Variants in TYR observed in about 807,000 individuals in gnomAD.
TYR encodes the protein tyrosinase, also known as LB24-AB.
TYR carries 58 observed loss-of-function variants against 51.5 expected under a neutral mutation model. That is an observed-to-expected ratio of 1.13 (90% CI 0.91 to 1.40). The LOEUF (loss-of-function observed/expected upper bound fraction) is 1.40. Ranked by LOEUF, TYR falls within the 40% of genes most tolerant of loss-of-function variation. TYR has a pLI of 0.00. For synonymous variants in TYR, 263 were observed against 235.2 expected (o/e 1.12, Z -1.08); for missense variants, 732 against 647.4 (o/e 1.13, Z -1.42).
At chr11:89,244,418 C>A (rs10830249) in intron 3 of TYR, among the ~76,000 whole-genome samples, 68,871 of 151,568 alleles carry the variant, frequency 0.45, 16,795 homozygotes, top group African/African-American at 0.65. Context: ...CTGCTTATGG[C>A]GAGAACCATG....
chr11:89,218,363 T>C (rs973256069), intron 2 of TYR, among the ~76,000 whole-genome samples: 1 of 152,162 alleles, frequency 6.6e-6, no homozygotes, highest in African/African-American at 2.4e-5. Flanking sequence ...TATTCTGCCC[T>C]CTTGAAACTT....
chr11:89,222,951 G>C (rs1299538846), intron 2 of TYR, among the ~76,000 whole-genome samples: 1 of 152,128 alleles, frequency 6.6e-6, no homozygotes, highest in Non-Finnish European at 1.5e-5. Context: ...GGACAAGGTT[G>C]AGATAATAAC....
chr11:89,224,012 T>C (rs923990283), intron 2 of TYR, among the ~76,000 whole-genome samples: 3 of 151,880 alleles, frequency 2.0e-5, no homozygotes, highest in African/African-American at 4.8e-5. Flanking sequence ...GAAAACGCTC[T>C]TAAAATGTCG....
chr11:89,199,867 G>A (rs1591149037), intron 2 of TYR, among the ~76,000 whole-genome samples: 1 of 152,218 alleles, frequency 6.6e-6, no homozygotes, highest in Non-Finnish European at 1.5e-5. Flanking sequence ...ATTTAAAAGG[G>A]ATAATGTCAT....
chr11:89,272,951 A>T (rs1383315419), intron 3 of TYR, among the ~76,000 whole-genome samples: 1 of 151,876 alleles, frequency 6.6e-6, no homozygotes, highest in Non-Finnish European at 1.5e-5. Context: ...CTTGCTCTGG[A>T]TTAGGCTTTA....
chr11:89,257,857 T>G (rs1209932295), intron 3 of TYR, among the ~76,000 whole-genome samples: 1 of 152,086 alleles, frequency 6.6e-6, no homozygotes, highest in Non-Finnish European at 1.5e-5. Flanking sequence ...TACTGTAGTC[T>G]TCCATTAAAT....
At chr11:89,185,536 T>C (rs939510189) in intron 1 of TYR, among the ~76,000 whole-genome samples, 1 of 152,166 alleles carries the variant, frequency 6.6e-6, no homozygotes, top group African/African-American at 2.4e-5. Context: ...TAAATGTGTC[T>C]TCATGAAGGA....
intron 2 of TYR, among the ~76,000 whole-genome samples, chr11:89,204,236 A>G: frequency 6.6e-6 from 1 of 152,158 alleles, no homozygotes; most frequent in South Asian, 2.1e-4. Context: ...GAGGAGCAGT[A>G]ATGAGGGGTA....
chr11:89,197,265 C>A (rs1446746174), intron 2 of TYR, among the ~76,000 whole-genome samples: 1 of 152,018 alleles, frequency 6.6e-6, no homozygotes, highest in Non-Finnish European at 1.5e-5. Flanking sequence ...TAGAAAAATC[C>A]GTGTATACCA....
intron 2 of TYR, among the ~76,000 whole-genome samples, chr11:89,201,577 C>A (rs1193593688): frequency 1.3e-5 from 2 of 152,186 alleles, no homozygotes; most frequent in Non-Finnish European, 2.9e-5. Flanking sequence ...ATTTTTACTG[C>A]AAGTCTGTGG....
intron 3 of TYR, among the ~76,000 whole-genome samples, chr11:89,237,836 A>G (rs766767619): frequency 4.0e-5 from 6 of 151,434 alleles, no homozygotes; most frequent in Non-Finnish European, 8.8e-5. Flanking sequence ...ATTTTTATTT[A>G]TTTATTTATT....
At chr11:89,194,172 T>C (rs1943485352) in intron 2 of TYR, among the ~76,000 whole-genome samples, 1 of 152,220 alleles carries the variant, frequency 6.6e-6, no homozygotes, top group Non-Finnish European at 1.5e-5. Context: ...AATATTTCCA[T>C]AACCTTGTAC....
intron 1 of TYR, among the ~76,000 whole-genome samples, chr11:89,186,934 G>C (rs184680391): frequency 6.6e-6 from 1 of 152,152 alleles, no homozygotes; most frequent in Non-Finnish European, 1.5e-5. Context: ...ACAGAGAAAA[G>C]GTTTCCTCTG....
chr11:89,226,317 T>G (rs1176016053), intron 2 of TYR, among the ~76,000 whole-genome samples: 1 of 152,148 alleles, frequency 6.6e-6, no homozygotes, highest in Non-Finnish European at 1.5e-5. Flanking sequence ...GCCCTTTCTT[T>G]CCATTTCTAT....
At chr11:89,209,400 A>C (rs1346734649) in intron 2 of TYR, among the ~76,000 whole-genome samples, 1 of 152,128 alleles carries the variant, frequency 6.6e-6, no homozygotes, top group Non-Finnish European at 1.5e-5. Context: ...GGCATCCACC[A>C]TTGCTGAGGC....
intron 3 of TYR, among the ~76,000 whole-genome samples, chr11:89,237,127 T>G (rs1269379973): frequency 6.6e-6 from 1 of 152,202 alleles, no homozygotes; most frequent in East Asian, 1.9e-4. Flanking sequence ...TGTCCCTTAT[T>G]TTGGACACAT....
intron 3 of TYR, among the ~76,000 whole-genome samples, chr11:89,267,618 G>A (rs906063637): frequency 2.0e-5 from 3 of 151,942 alleles, no homozygotes; most frequent in Admixed American, 1.3e-4. Context: ...CTCTGGGATA[G>A]TTACTTATCA....
In TYR at chr11:89,178,219, G is replaced by C; in HGVS notation, c.266G>C (p.Cys89Ser). 6.2e-7 allele frequency: 1 copy of C among 1,614,160 alleles called. No individual in the cohort carries two copies. Among genetic ancestry groups the C allele is most frequent in the Non-Finnish European group, 8.5e-7 (1 of 1,180,038 alleles). The change falls in exon 1 of 5, where the codon TGC (cysteine) becomes TCC (serine). Residue 89 changes from cysteine (C) to serine (S), a missense_variant. Coordinates refer to ENST00000263321, the MANE Select transcript of TYR (RefSeq NM_000372.5). Reference sequence around the variant, plus strand: ...CCTTCCGTCTTTTATAATAGGACCTGCCAGTGCTCTGGCAACTTCATGGGA... The same window carrying C: ...CCTTCCGTCTTTTATAATAGGACCTCCCAGTGCTCTGGCAACTTCATGGGA... ...SWPSVFYNRT[C>S]QCSGNFMGFN...
chr11:89,294,568 G>C (rs935635878), intron 4 of TYR, among the ~76,000 whole-genome samples: 26 of 152,202 alleles, frequency 1.7e-4, no homozygotes, highest in African/African-American at 6.3e-4. Context: ...CGGTAACCAA[G>C]AGCGCCCCCA....
Sources: gnomAD v4.1 joint callset for allele counts (sites outside exome capture counted in the v4.1 genomes callset) on GRCh38, gnomAD v4.1.1 for gene constraint, MANE v1.5 for transcripts, NCBI Gene and HGNC (gene_info 2026-07-23, HGNC 2026-07-21) for gene names.